CBFA2T3: variants seen among roughly 807,000 people sequenced by gnomAD.
CBFA2T3 encodes CBFA2/RUNX1 partner transcriptional co-repressor 3.
A neutral mutation model predicts 58.6 loss-of-function variants in CBFA2T3; 31 were observed. The observed-to-expected ratio is 0.53, with a 90% CI of 0.40 to 0.71. The LOEUF (loss-of-function observed/expected upper bound fraction) is 0.71. CBFA2T3 is among the 30% of genes least tolerant of loss of function. The pLI is 0.00. For missense variants in CBFA2T3, 1,076 were observed against 963.1 expected, an observed-to-expected ratio of 1.12 and a Z score of -1.55; for synonymous variants, 531 against 421.9, an observed-to-expected ratio of 1.26 and a Z score of -3.17.
chr16:88,951,413 G>A (rs1215533652), intron 1 of CBFA2T3: 2 of 435,266 alleles, frequency 4.6e-6, no homozygotes, highest in Non-Finnish European at 9.4e-6. Context: ...ATCATTAGCT[G>A]CGTCTTATTT....
At chr16:88,878,503 C>T (rs1424967093) in intron 11 of CBFA2T3, among the ~76,000 whole-genome samples, 1 of 152,260 alleles carries the variant, frequency 6.6e-6, no homozygotes, top group East Asian at 1.9e-4. Flanking sequence ...CGCGGAGGGT[C>T]CTCTGCCCCC....
chr16:88,893,682 C>T (rs1178335996), intron 3 of CBFA2T3, among the ~76,000 whole-genome samples: 4 of 152,234 alleles, frequency 2.6e-5, no homozygotes, highest in Admixed American at 6.5e-5. Context: ...GCCACTGAGA[C>T]GTGACTGCCT....
At chr16:88,898,024 G>A in intron 3 of CBFA2T3, 54 bp downstream of exon 3, 1 of 1,308,946 alleles carries the variant, frequency 7.6e-7, no homozygotes, top group Non-Finnish European at 1.1e-6. Context: ...GCCAGCTGAG[G>A]ATGCTGCGGT....
chr16:88,951,272 A>C (rs1972064844), intron 1 of CBFA2T3: 2 of 449,866 alleles, frequency 4.4e-6, no homozygotes, highest in African/African-American at 2.1e-5. Context: ...GGGTCTGTTC[A>C]CCCGTCCCCT....
Position 88,958,699 on chromosome 16 carries a change from G to A in CBFA2T3, c.151+17958C>T, listed in dbSNP as rs2142857967. 6.6e-6 allele frequency among the ~76,000 whole-genome samples: 1 copy of A among 152,248 alleles called. No homozygotes were observed. Among genetic ancestry groups the A allele is most frequent in the Admixed American group, 6.5e-5 (1 of 15,302 alleles). Reference sequence around the variant, plus strand: ...CGCTCCCCCAGGGCCGGGGGCTGGGGGCCTCGGTGTGGCCTTTGGAAGGAG... The same window carrying A: ...CGCTCCCCCAGGGCCGGGGGCTGGGAGCCTCGGTGTGGCCTTTGGAAGGAG... On this transcript the variant is annotated intron_variant, in intron 1 of 11. Transcript: ENST00000268679. The surrounding 1 kb of genome is among the most constrained non-coding windows in gnomAD (Gnocchi z 4.0).
intron 1 of CBFA2T3, among the ~76,000 whole-genome samples, chr16:88,972,213 GGGGA>G (rs905782987): frequency 2.0e-5 from 3 of 152,262 alleles, no homozygotes; most frequent in East Asian, 1.9e-4. Context: ...CACGCTTACT[GGGGA>G]GGGAGGGAGG....
At chr16:88,877,459 G>A (rs989288380) in intron 11 of CBFA2T3, among the ~76,000 whole-genome samples, 184 bp from the exon 12 acceptor site, 28 of 152,276 alleles carry the variant, frequency 1.8e-4, no homozygotes, top group African/African-American at 5.5e-4. Context: ...TTTGCGGGAC[G>A]GCATCCCACT....
rs750946838 is a variant in CBFA2T3, at chr16:88,901,487, A to C, written c.304+17T>G. On this transcript the variant is annotated intron_variant, in intron 2 of 11. Coordinates refer to ENST00000268679, the MANE Select transcript of CBFA2T3 (RefSeq NM_005187.6). ...CTGAAACACCTGGCCCTCGGCTGCC[A>C]GGTGGGGGCTACTTACGTGTGTGTG... 7.1e-7 allele frequency: 1 copy of C among 1,413,150 alleles called. No homozygotes were observed. The highest frequency in any genetic ancestry group is 9.4e-7 in the Non-Finnish European group (1 of 1,066,592). 87.5% of individuals were successfully genotyped at this position (1,413,150 alleles called of 1,614,324 possible).
intron 1 of CBFA2T3, among the ~76,000 whole-genome samples, chr16:88,912,984 C>T (rs569481916): frequency 1.3e-5 from 2 of 152,380 alleles, no homozygotes; most frequent in Admixed American, 6.5e-5. Flanking sequence ...GCCCTCTCCC[C>T]CAAGGCGCGT....
chr16:88,967,458 G>A (rs1222963937), intron 1 of CBFA2T3, among the ~76,000 whole-genome samples: 3 of 152,078 alleles, frequency 2.0e-5, no homozygotes, highest in African/African-American at 7.2e-5. Context: ...AGATGTGCCG[G>A]AGACGGGGAC....
At chr16:88,940,349 G>C (rs1025034970) in intron 1 of CBFA2T3, 1 of 153,506 alleles carries the variant, frequency 6.5e-6, no homozygotes, top group Admixed American at 6.5e-5. Context: ...GAAGTCAGCC[G>C]TCTAGGGCTG....
chr16:88,890,019 G>A (rs1018828392), intron 5 of CBFA2T3, among the ~76,000 whole-genome samples: 2 of 143,936 alleles, frequency 1.4e-5, no homozygotes, highest in Non-Finnish European at 3.0e-5. Flanking sequence ...ATCCCTGGAC[G>A]ATGCCCCGCG....
chr16:88,882,429 G>C (rs1411348375), intron 8 of CBFA2T3, among the ~76,000 whole-genome samples: 1 of 151,836 alleles, frequency 6.6e-6, no homozygotes, highest in East Asian at 1.9e-4. Flanking sequence ...GTATGGCTGT[G>C]TGTGGGTGTG....
intron 1 of CBFA2T3, among the ~76,000 whole-genome samples, chr16:88,969,774 C>T (rs1261186100): frequency 3.9e-5 from 6 of 152,194 alleles, no homozygotes; most frequent in South Asian, 4.1e-4. Flanking sequence ...CTGGGGCTCC[C>T]GGTGGGCCCT....
intron 1 of CBFA2T3, among the ~76,000 whole-genome samples, chr16:88,906,146 G>A (rs488251): frequency 0.29 from 43,573 of 151,898 alleles, 6,379 homozygotes; most frequent in Middle Eastern, 0.35. Flanking sequence ...AAGCAGTGTG[G>A]GGAGTCTCTG....
chr16:88,887,646 G>A (rs560966668), intron 5 of CBFA2T3, among the ~76,000 whole-genome samples: 3 of 152,300 alleles, frequency 2.0e-5, no homozygotes, highest in East Asian at 1.9e-4. Context: ...CAAGGCCTGC[G>A]GAATGGGGTG....
intron 1 of CBFA2T3, among the ~76,000 whole-genome samples, chr16:88,976,285 C>T (rs1245633509): frequency 3.3e-5 from 5 of 152,182 alleles, no homozygotes; most frequent in African/African-American, 9.7e-5. Flanking sequence ...ACCCGGAGGG[C>T]ATCCCAGGAG....
intron 1 of CBFA2T3, among the ~76,000 whole-genome samples, chr16:88,906,085 C>T (rs1347205229): frequency 6.6e-6 from 1 of 152,078 alleles, no homozygotes; most frequent in African/African-American, 2.4e-5. Flanking sequence ...GCACTCTCCG[C>T]CATCACTCGA....
intron 3 of CBFA2T3, among the ~76,000 whole-genome samples, chr16:88,894,494 CAT>C (rs1246540810): frequency 8.2e-6 from 1 of 121,396 alleles, no homozygotes; most frequent in Non-Finnish European, 1.6e-5. Context: ...AATGTACACA[CAT>C]GCACACACAC....
Sources: gnomAD v4.1 joint callset for allele counts (sites outside exome capture counted in the v4.1 genomes callset) on GRCh38, gnomAD v4.1.1 for gene constraint, Gnocchi (gnomAD v3.1) non-coding constraint, MANE v1.5 for transcripts, NCBI Gene and HGNC (gene_info 2026-07-23, HGNC 2026-07-21) for gene names.